C16orf87: variants seen among roughly 807,000 people sequenced by gnomAD.
The protein encoded by C16orf87 is HDAC and MIER1 interacting protein 1, also known as UPF0547 protein C16orf87.
C16orf87 carries 13 observed loss-of-function variants against 21.0 expected under a neutral mutation model. The ratio of observed to expected loss-of-function variants is 0.62; its 90% confidence interval spans 0.40 to 0.98. The LOEUF (loss-of-function observed/expected upper bound fraction) is 0.98. C16orf87 is among the 50% of genes least tolerant of loss of function. The probability of loss-of-function intolerance (pLI) is 0.00; values close to 1 mark genes in which losing one functional copy is unlikely to be tolerated. For synonymous variants in C16orf87, 49 were observed against 60.2 expected (o/e 0.81, Z 0.86); for missense variants, 113 against 180.4 (o/e 0.63, Z 2.14).
chr16:46,806,807 AT>A (rs780107615), intron 3 of C16orf87, among the ~76,000 whole-genome samples: 1 of 152,074 alleles, frequency 6.6e-6, no homozygotes, highest in African/African-American at 2.4e-5. Flanking sequence ...TAGAAAAGTC[AT>A]TTTTCCCCCT....
chr16:46,817,636 C>T (rs1466351904), intron 2 of C16orf87, among the ~76,000 whole-genome samples: 2 of 151,700 alleles, frequency 1.3e-5, no homozygotes, highest in South Asian at 4.2e-4. Flanking sequence ...TGCAGTAAGC[C>T]GATATCAGGC....
chr16:46,805,476 C>T (rs633699), intron 3 of C16orf87, among the ~76,000 whole-genome samples: 150,047 of 152,330 alleles, frequency 0.99, 73,928 homozygotes, highest in South Asian at 1. Flanking sequence ...TTAAATATCA[C>T]CTTGTTCATT....
At position 46,802,156 on chromosome 16, in the gene C16orf87, T is replaced by C. The variant is rs1305115448; in HGVS notation, c.*796A>G. 6.6e-6 allele frequency: 1 copy of C among 151,940 alleles called. No individual in the cohort carries two copies. Among genetic ancestry groups the C allele is most frequent in the South Asian group, 2.1e-4 (1 of 4,820 alleles). The allele number at this position is 151,940 out of a possible 1,614,324, so 9.4% of individuals were successfully genotyped here. ...CAGATAAAACATTACTGCTTAAAAGTGGCTAAGAAATATTTTGCATGTAAT... is the reference window on the plus strand; with the variant it reads ...CAGATAAAACATTACTGCTTAAAAGCGGCTAAGAAATATTTTGCATGTAAT... On this transcript the variant is annotated 3_prime_UTR_variant, in exon 4 of 4. Coordinates refer to ENST00000285697, the MANE Select transcript of C16orf87 (RefSeq NM_001001436.4).
At chr16:46,820,184 C>A (rs763653801) in intron 2 of C16orf87, among the ~76,000 whole-genome samples, 3 of 152,190 alleles carry the variant, frequency 2.0e-5, no homozygotes, top group Non-Finnish European at 2.9e-5. Context: ...CTAACAGATT[C>A]TTTTCTTCCT....
chr16:46,807,772 T>C (rs776466195), intron 3 of C16orf87, among the ~76,000 whole-genome samples: 1 of 152,220 alleles, frequency 6.6e-6, no homozygotes, highest in Non-Finnish European at 1.5e-5. Context: ...ACTCTAGAAA[T>C]AGCTTTCTTA....
rs2143021857 is a variant in C16orf87, at chr16:46,797,579, A to T, written c.*5373T>A. 6.6e-6 allele frequency: 1 copy of T among 152,158 alleles called. No individual in the cohort carries two copies. The highest frequency in any genetic ancestry group is 2.4e-5 in the African/African-American group (1 of 41,512). The allele number at this position is 152,158 out of a possible 1,614,324, so 9.4% of individuals were successfully genotyped here. A position where few individuals can be genotyped will look rare whatever the true frequency, so the allele number is the denominator to read the frequency against. On this transcript the variant is annotated 3_prime_UTR_variant, in exon 4 of 4. Transcript: ENST00000285697. ...GTCCAGGCTGGTCTCGAACTCCTGG[A>T]CTTAAGCAATCTGCTCGCCTCGGCC...
chr16:46,816,089 A>G (rs1038267786), intron 2 of C16orf87, among the ~76,000 whole-genome samples: 12 of 152,256 alleles, frequency 7.9e-5, no homozygotes, highest in African/African-American at 2.9e-4. Context: ...TACAACATGA[A>G]TGAAACCTTG....
intron 2 of C16orf87, among the ~76,000 whole-genome samples, chr16:46,811,236 G>A (rs1968074085): frequency 6.6e-6 from 1 of 152,082 alleles, no homozygotes; most frequent in Non-Finnish European, 1.5e-5. Context: ...AGGCGCGGTG[G>A]CTCACACCCA....
At chr16:46,808,945 A>G (rs1042272647) in intron 3 of C16orf87, among the ~76,000 whole-genome samples, 1 of 151,568 alleles carries the variant, frequency 6.6e-6, no homozygotes, top group Non-Finnish European at 1.5e-5. Flanking sequence ...AACACTTTCA[A>G]TAGTAAAATT....
chr16:46,829,645 T>C (rs987709778), intron 1 of C16orf87, among the ~76,000 whole-genome samples: 25 of 152,296 alleles, frequency 1.6e-4, no homozygotes, highest in African/African-American at 6.0e-4. Context: ...TCCAGTTTTG[T>C]CAAAATTTAA....
At chr16:46,804,430 G>C (rs918956836) in intron 3 of C16orf87, among the ~76,000 whole-genome samples, 1 of 152,134 alleles carries the variant, frequency 6.6e-6, no homozygotes, top group Admixed American at 6.5e-5. Flanking sequence ...AGTATTGGTA[G>C]CAAATTTTTT....
At chr16:46,810,815 G>T (rs1205222828) in intron 2 of C16orf87, among the ~76,000 whole-genome samples, 1 of 152,162 alleles carries the variant, frequency 6.6e-6, no homozygotes, top group Non-Finnish European at 1.5e-5. Context: ...GACAAGCAGG[G>T]TGTTGTTAAG....
Position 46,802,288 on chromosome 16 carries a change from G to A in C16orf87, c.*664C>T, listed in dbSNP as rs1388313296. 6.6e-6 allele frequency: 1 copy of A among 150,990 alleles called. No homozygotes were observed. The highest frequency in any genetic ancestry group is 1.5e-5 in the Non-Finnish European group (1 of 67,770). 9.4% of individuals were successfully genotyped at this position (150,990 alleles called of 1,614,324 possible). A position where few individuals can be genotyped will look rare whatever the true frequency, so the allele number is the denominator to read the frequency against. ...TCAAGAAAACAAGGTGTTTATATCT[G>A]AGTATATCATTAAATGTTTTTCTTC... is the stretch of plus-strand genomic sequence containing the variant. On this transcript the variant is annotated 3_prime_UTR_variant, in exon 4 of 4. Coordinates refer to ENST00000285697, the MANE Select transcript of C16orf87 (RefSeq NM_001001436.4).
At chr16:46,826,398 G>A (rs1018507023) in intron 1 of C16orf87, among the ~76,000 whole-genome samples, 8 of 152,142 alleles carry the variant, frequency 5.3e-5, no homozygotes, top group Admixed American at 1.3e-4. Context: ...TTTGGCAGTT[G>A]TTCTGCTATG....
chr16:46,815,377 GA>G (rs71134503), intron 2 of C16orf87, among the ~76,000 whole-genome samples: 106 of 118,972 alleles, frequency 8.9e-4, no homozygotes, highest in East Asian at 3.6e-3. Flanking sequence ...AGCAATGAAA[GA>G]AAAAAAAAAA....
At chr16:46,816,231 G>T (rs184414121) in intron 2 of C16orf87, among the ~76,000 whole-genome samples, 91 of 152,170 alleles carry the variant, frequency 6.0e-4, no homozygotes, top group African/African-American at 1.9e-3. Flanking sequence ...GGGGTATGGG[G>T]GAGAAGGAAG....
rs1217012654 is a variant in C16orf87, at chr16:46,797,522, T to A, written c.*5430A>T. ...GCTACCACGCCTAGCTAATTTTGTG[T>A]ATTTTTTGTAGAGTTGGGGTTTCAC... is the stretch of plus-strand genomic sequence containing the variant. On this transcript the variant is annotated 3_prime_UTR_variant, in exon 4 of 4. Coordinates refer to ENST00000285697, the MANE Select transcript of C16orf87 (RefSeq NM_001001436.4). 1 of 152,152 alleles carries A rather than the reference T, an allele frequency of 6.6e-6. No individual in the cohort carries two copies. The highest frequency in any genetic ancestry group is 1.5e-5 in the Non-Finnish European group (1 of 68,054). The allele number at this position is 152,152 out of a possible 1,614,324, so 9.4% of individuals were successfully genotyped here.
intron 1 of C16orf87, among the ~76,000 whole-genome samples, chr16:46,829,955 G>C (rs1449313136): frequency 8.0e-5 from 12 of 150,354 alleles, no homozygotes; most frequent in Admixed American, 4.0e-4. Context: ...GGTGGGGGGA[G>C]GGGAGGAGAG....
In C16orf87 at chr16:46,803,069, C is replaced by A; in HGVS notation, c.348G>T (p.Glu116Asp). 1 of 1,518,110 alleles carries A rather than the reference C, an allele frequency of 6.6e-7. No homozygotes were observed. The highest frequency in any genetic ancestry group is 1.4e-5 in the African/African-American group (1 of 72,190). 94.0% of individuals were successfully genotyped at this position (1,518,110 alleles called of 1,614,324 possible). The change falls in exon 4 of 4, where the codon GAG becomes GAT. Residue 116 changes from glutamate (E) to aspartate (D), a missense_variant and splice_region_variant. Glu to Asp is a conservative substitution (Grantham distance 45). Transcript: ENST00000285697. Reference protein sequence around the residue: ...ASAKKHEEEREKQEKEIDIYA... With the variant: ...ASAKKHEEERDKQEKEIDIYA... ...AGATGTCAATTTCCTTTTCCTGTTT[C>A]TCTGTTAAAAGAAAAAGGGAAAGTT...
Sources: allele counts gnomAD v4.1 joint callset (sites outside exome capture counted in the v4.1 genomes callset), GRCh38; gene constraint gnomAD v4.1.1; transcripts MANE v1.5; gene names NCBI Gene and HGNC (gene_info 2026-07-23, HGNC 2026-07-21).